B3GLCT: variants seen among roughly 807,000 people sequenced by gnomAD.
The protein encoded by B3GLCT is beta-1,3-glucosyltransferase.
In B3GLCT, 65 loss-of-function variants were observed where a neutral mutation model predicts 63.4. The observed-to-expected ratio is 1.03, with a 90% CI of 0.84 to 1.26. The LOEUF is 1.26. B3GLCT is among the 50% of genes most tolerant of loss of function. B3GLCT has a pLI of 0.00. For missense variants in B3GLCT, 577 were observed against 604.8 expected (o/e 0.95, Z 0.48); for synonymous variants, 233 against 219.2 (o/e 1.06, Z -0.55).
rs563168440 is a variant in B3GLCT, at chr13:31,296,997, C to T, written c.1064+10178C>T. Among the ~76,000 whole-genome samples, 20 of 151,886 alleles carry T rather than the reference C, an allele frequency of 1.3e-4. 1 individual carries two copies. In the South Asian group the frequency reaches 4.2e-3, roughly 32 times the overall value. On this transcript the variant is annotated intron_variant, in intron 12 of 14. Transcript: ENST00000343307. ...CTATGATTTTGACTACTCTCAGTAC[C>T]TCATATAAATGGAATCATACAGTAC...
intron 1 of B3GLCT, among the ~76,000 whole-genome samples, chr13:31,207,746 G>T (rs1407479010): frequency 6.6e-6 from 1 of 152,152 alleles, no homozygotes; most frequent in African/African-American, 2.4e-5. Flanking sequence ...TCGATAGTAG[G>T]CTCAAAGCAG....
At chr13:31,269,602 G>C (rs7336582) in intron 8 of B3GLCT, among the ~76,000 whole-genome samples, 5 of 151,612 alleles carry the variant, frequency 3.3e-5, no homozygotes, top group African/African-American at 4.9e-5. Context: ...TTGATGCTTC[G>C]GTTGTACGTA....
intron 1 of B3GLCT, among the ~76,000 whole-genome samples, chr13:31,202,450 A>G (rs1469045489): frequency 6.6e-6 from 1 of 152,090 alleles, no homozygotes; most frequent in Non-Finnish European, 1.5e-5. Flanking sequence ...GCACTTTGCC[A>G]CCTCTTACAG....
intron 4 of B3GLCT, among the ~76,000 whole-genome samples, chr13:31,244,093 A>C (rs1871081338): frequency 6.6e-6 from 1 of 152,224 alleles, no homozygotes; most frequent in African/African-American, 2.4e-5. Flanking sequence ...CTATGTCTTT[A>C]TTCCAGACAG....
chr13:31,314,190 A>G (rs7317855), intron 12 of B3GLCT, among the ~76,000 whole-genome samples: 142,137 of 152,268 alleles, frequency 0.93, 66,929 homozygotes, highest in East Asian at 1. Flanking sequence ...ATATGAGGTC[A>G]GAGCCCCCAC....
chr13:31,308,298 A>T (rs1374472364), intron 12 of B3GLCT, among the ~76,000 whole-genome samples: 3 of 53,680 alleles, frequency 5.6e-5, no homozygotes, highest in African/African-American at 1.5e-4. Flanking sequence ...TAACCTGCAC[A>T]ATGTGCACAT....
Position 31,251,807 on chromosome 13 carries a change from C to T in B3GLCT, c.459+3841C>T, listed in dbSNP as rs529338646. Among the ~76,000 whole-genome samples the T allele has an allele frequency of 1.1e-3, 174 of 152,232 alleles. 1 individual carries two copies. The highest frequency in any genetic ancestry group is 3.9e-3 in the African/African-American group (160 of 41,546). The stretch of plus-strand genomic sequence containing the variant: ...GGAAAACACTCTTCAGGATATTATC[C>T]GGGAGAACTTCCCCAACGTAGCAAA... On this transcript the variant is annotated intron_variant, in intron 6 of 14. Coordinates refer to ENST00000343307, the MANE Select transcript of B3GLCT (RefSeq NM_194318.4).
intron 12 of B3GLCT, among the ~76,000 whole-genome samples, chr13:31,310,895 TGGGCTGAGCACAGAGCCACAGCA>T (rs1413872398): frequency 6.6e-6 from 1 of 152,174 alleles, no homozygotes; most frequent in East Asian, 1.9e-4. Context: ...AGCCCAGCTA[TGGGCTGAGCACAGAGCCACAGCA>T]GGTGTGGAAC....
chr13:31,329,582 G>T lies in B3GLCT; in HGVS notation c.1411G>T (p.Val471Leu). 6.2e-7 allele frequency: 1 copy of T among 1,614,232 alleles called. No individual in the cohort carries two copies. Among genetic ancestry groups the T allele is most frequent in the Non-Finnish European group, 8.5e-7 (1 of 1,180,044 alleles). The change falls in exon 15 of 15, where the codon GTG becomes TTG. Residue 471 changes from valine to leucine, a missense_variant. Physicochemically the swap from Val to Leu is conservative, Grantham distance 32 (BLOSUM62 1). Coordinates refer to ENST00000343307, the MANE Select transcript of B3GLCT (RefSeq NM_194318.4). ...SFHKHWNIDP[V>L]KVYFTWLAPS... ...CCACAAACACTGGAACATCGATCCA[G>T]TGAAGGTGTATTTCACATGGTTGGC...
intron 4 of B3GLCT, among the ~76,000 whole-genome samples, chr13:31,232,234 CT>C (rs1236542067): frequency 1.3e-5 from 2 of 152,196 alleles, no homozygotes; most frequent in Admixed American, 1.3e-4. Flanking sequence ...ATTAGTCCAT[CT>C]TTGCATCGCT....
chr13:31,257,410 A>G (rs539362546), intron 6 of B3GLCT, among the ~76,000 whole-genome samples: 46 of 151,964 alleles, frequency 3.0e-4, no homozygotes, highest in African/African-American at 1.1e-3. Flanking sequence ...AGCTGAGGTC[A>G]TTTGTCTTGG....
rs531073276 is a variant in B3GLCT at position 31,246,946 on chromosome 13, C to G, written c.271-77C>G. On this transcript the variant is annotated intron_variant, in intron 4 of 14. Transcript: ENST00000343307. ...CTTTTTTTCTTTTTTCTTTTCTTTTCTTTTCTTTTTTTTTTTTTTTACTTT... is the reference window on the plus strand; with the variant it reads ...CTTTTTTTCTTTTTTCTTTTCTTTTGTTTTCTTTTTTTTTTTTTTTACTTT... The G allele has an allele frequency of 1.5e-3, 1,467 of 1,011,076 alleles. 13 individuals are homozygous for G. The East Asian group carries it at 0.015, about 10-fold the overall frequency. The allele number at this position is 1,011,076 out of a possible 1,614,324, so 62.6% of individuals were successfully genotyped here.
chr13:31,253,904 C>T (rs191008558), intron 6 of B3GLCT, among the ~76,000 whole-genome samples: 11 of 152,270 alleles, frequency 7.2e-5, no homozygotes, highest in African/African-American at 2.4e-4. Flanking sequence ...ATACTATAAA[C>T]AACTCTATGC....
intron 13 of B3GLCT, among the ~76,000 whole-genome samples, chr13:31,322,630 A>G (rs1875386241): frequency 6.6e-6 from 1 of 152,180 alleles, no homozygotes; most frequent in African/African-American, 2.4e-5. Context: ...TAATTAATGT[A>G]AGACTGTGTG....
At chr13:31,230,633 C>T (rs753410968) in intron 4 of B3GLCT, among the ~76,000 whole-genome samples, 34 of 152,224 alleles carry the variant, frequency 2.2e-4, no homozygotes, top group Non-Finnish European at 4.1e-4. Context: ...AAACATCGTA[C>T]TTTCTCAAGG....
At chr13:31,215,870 A>G (rs1472267436) in intron 2 of B3GLCT, among the ~76,000 whole-genome samples, 2 of 152,176 alleles carry the variant, frequency 1.3e-5, no homozygotes, top group Non-Finnish European at 2.9e-5. Context: ...CCCAAAGGTG[A>G]CTATGCTACC....
intron 2 of B3GLCT, among the ~76,000 whole-genome samples, chr13:31,220,982 T>C (rs1029084305): frequency 2.6e-5 from 4 of 152,190 alleles, no homozygotes; most frequent in African/African-American, 4.8e-5. Context: ...CATCTAATGA[T>C]GTGTATTTTT....
At chr13:31,235,719 G>A (rs1378768685) in intron 4 of B3GLCT, among the ~76,000 whole-genome samples, 1 of 152,160 alleles carries the variant, frequency 6.6e-6, no homozygotes, top group African/African-American at 2.4e-5. Context: ...CACGTCTTAA[G>A]TGTACAACTC....
intron 4 of B3GLCT, among the ~76,000 whole-genome samples, chr13:31,231,362 A>G (rs1336722909): frequency 6.6e-6 from 1 of 152,290 alleles, no homozygotes; most frequent in Non-Finnish European, 1.5e-5. Context: ...ACTTTTCCCT[A>G]TGTCACCTGC....
Sources: gnomAD v4.1 joint callset for allele counts (sites outside exome capture counted in the v4.1 genomes callset) on GRCh38, gnomAD v4.1.1 for gene constraint, MANE v1.5 for transcripts, NCBI Gene and HGNC (gene_info 2026-07-23, HGNC 2026-07-21) for gene names.